WDPCP: variants seen among roughly 807,000 people sequenced by gnomAD.
The protein encoded by WDPCP is WD repeat-containing and planar cell polarity effector protein fritz homolog.
WDPCP carries 71 observed loss-of-function variants against 93.1 expected under a neutral mutation model. The observed-to-expected ratio is 0.76, with a 90% CI of 0.63 to 0.93. WDPCP has a LOEUF of 0.93. WDPCP is among the 40% of genes least tolerant of loss of function. The pLI, the probability that WDPCP is intolerant of heterozygous loss-of-function variation, is 0.00. For missense variants in WDPCP, 844 were observed against 887.4 expected (o/e 0.95, Z 0.62); for synonymous variants, 315 against 315.0 (o/e 1.00, Z 0.00).
chr2:63,758,672 T>C (rs1670005546), intron 2 of WDPCP, among the ~76,000 whole-genome samples: 1 of 152,172 alleles, frequency 6.6e-6, no homozygotes, highest in Non-Finnish European at 1.5e-5. Context: ...ACTCCTGGGC[T>C]CAAGTGATCT....
chr2:63,484,676 A>G lies in WDPCP; in HGVS notation c.325-13T>C, dbSNP rs747166068. Reference sequence around the variant, plus strand: ...TTTGCATCAGCTCCTGAAGCACAACAGAAAAAGAGAGAGCGTAGTTGGCTG... The same window carrying G: ...TTTGCATCAGCTCCTGAAGCACAACGGAAAAAGAGAGAGCGTAGTTGGCTG... On this transcript the variant is annotated splice_polypyrimidine_tract_variant and intron_variant, in intron 5 of 17. Transcript: ENST00000272321. 3.7e-6 allele frequency: 6 copies of G among 1,612,796 alleles called. No individual in the cohort carries two copies. In the South Asian group the frequency reaches 6.6e-5, roughly 18 times the overall value.
chr2:63,273,677 T>C (rs1421866728), intron 13 of WDPCP, among the ~76,000 whole-genome samples: 2 of 152,270 alleles, frequency 1.3e-5, no homozygotes, highest in East Asian at 1.9e-4. Flanking sequence ...GGAGTAACTA[T>C]ATTTATATCA....
chr2:63,789,494 T>C (rs1043426305), intron 2 of WDPCP, among the ~76,000 whole-genome samples: 2 of 152,308 alleles, frequency 1.3e-5, no homozygotes, highest in Non-Finnish European at 1.5e-5. Context: ...AGTCAGCCTA[T>C]GCTGAGAGTT....
Position 63,439,850 on chromosome 2 carries a change from G to C in WDPCP, c.406C>G (p.Leu136Val). The C allele has an allele frequency of 1.2e-6, 2 of 1,613,166 alleles. No homozygotes were observed. The highest frequency in any genetic ancestry group is 1.7e-6 in the Non-Finnish European group (2 of 1,179,354). The change falls in exon 7 of 18, where the codon CTG (leucine) becomes GTG (valine). Residue 136 changes from leucine (L) to valine (V), a missense_variant. Leu to Val is a conservative substitution (Grantham distance 32). Transcript: ENST00000272321. Reference protein sequence around the residue: ...VCQLLFGSGVLVSLSLSGPQL... With the variant: ...VCQLLFGSGVVVSLSLSGPQL... ...GGCCCAGAAAGGCTTAGAGACACCA[G>C]CACACCTGAACCAAAAAGGAGCTAA...
In WDPCP at chr2:63,618,245, C is replaced by T. The variant is rs149962993; in HGVS notation, n.488+32414G>A. 1.3e-3 allele frequency among the ~76,000 whole-genome samples: 192 copies of T among 152,258 alleles called. 1 individual carries two copies. The highest frequency in any genetic ancestry group is 2.1e-3 in the Non-Finnish European group (140 of 68,016). On this transcript the variant is annotated intron_variant and non_coding_transcript_variant, in intron 3 of 4. Coordinates refer to the WDPCP transcript ENST00000467687. The stretch of plus-strand genomic sequence containing the variant: ...CAAGTGCTTAGAATGAAAACTCAGC[C>T]AGCACAGAGTGGAATGAAGAACTGG...
chr2:63,717,706 CCAACG>C, intron 2 of WDPCP: 1 of 463,290 alleles, frequency 2.2e-6, no homozygotes, highest in Non-Finnish European at 4.3e-6. Context: ...AATCCTTGGC[CCAACG>C]TTGATGCCCA....
At chr2:63,746,645 T>C (rs1046437583) in intron 2 of WDPCP, among the ~76,000 whole-genome samples, 2 of 152,144 alleles carry the variant, frequency 1.3e-5, no homozygotes, top group Admixed American at 1.3e-4. Flanking sequence ...CTTATGCAGA[T>C]GTAGATAGGG....
At chr2:63,318,787 G>C (rs964546167) in intron 12 of WDPCP, among the ~76,000 whole-genome samples, 4 of 152,022 alleles carry the variant, frequency 2.6e-5, no homozygotes, top group Non-Finnish European at 5.9e-5. Flanking sequence ...GGAGGAGGGT[G>C]AATTGAAAAA....
intron 1 of WDPCP, among the ~76,000 whole-genome samples, chr2:63,520,282 G>A (rs938826197): frequency 2.6e-5 from 4 of 152,112 alleles, no homozygotes; most frequent in African/African-American, 9.7e-5. Context: ...TGAAAGGGAG[G>A]AAGGGAAACC....
chr2:63,504,367 T>TGTGTGA (rs1021597028), intron 1 of WDPCP, among the ~76,000 whole-genome samples: 2 of 144,362 alleles, frequency 1.4e-5, no homozygotes, highest in African/African-American at 5.1e-5. Flanking sequence ...TGTGTGTGTG[T>TGTGTGA]GATGTATTTT....
At chr2:63,840,486 T>C in the WDPCP span, among the ~76,000 whole-genome samples, 1 of 152,148 alleles carries the variant, frequency 6.6e-6, no homozygotes, top group African/African-American at 2.4e-5. Flanking sequence ...CCTTCACTTG[T>C]CACTTTCTTC....
intron 2 of WDPCP, among the ~76,000 whole-genome samples, chr2:63,708,833 A>T (rs2103742446): frequency 6.6e-6 from 1 of 151,814 alleles, no homozygotes; most frequent in South Asian, 2.1e-4. Context: ...AATGGTCTGG[A>T]TCTCCTGACC....
chr2:63,359,583 G>A (rs1487188250), intron 12 of WDPCP, among the ~76,000 whole-genome samples: 2 of 152,170 alleles, frequency 1.3e-5, no homozygotes, highest in African/African-American at 2.4e-5. Context: ...CTGGAAAACA[G>A]TATGGCAGTT....
chr2:63,753,502 A>T (rs1186424632), intron 2 of WDPCP, among the ~76,000 whole-genome samples: 3 of 152,218 alleles, frequency 2.0e-5, no homozygotes, highest in African/African-American at 7.2e-5. Context: ...CAACTGGCTC[A>T]TGGTTACACA....
In WDPCP at chr2:63,338,314, C is replaced by T. The variant is rs28874415; in HGVS notation, c.1749-25003G>A. ...ATCCCAGCACTTTGGGAGGCCAAGG[C>T]GGGTGGATCACCTGAGGTCATGAGG... is the stretch of plus-strand genomic sequence containing the variant. On this transcript the variant is annotated intron_variant, in intron 12 of 17. Transcript: ENST00000272321. Among the ~76,000 whole-genome samples, 120 of 151,816 alleles carry T rather than the reference C, an allele frequency of 7.9e-4. No individual in the cohort carries two copies. In the Middle Eastern group the frequency reaches 0.01, roughly 13 times the overall value.
chr2:63,622,528 G>A (rs911736558), intron 3 of WDPCP: 2 of 1,613,808 alleles, frequency 1.2e-6, no homozygotes, highest in African/African-American at 1.3e-5. Context: ...AGCCGGGCGT[G>A]GTTGATGTTC....
intron 10 of WDPCP, among the ~76,000 whole-genome samples, chr2:63,396,867 C>A (rs1052634813): frequency 6.6e-6 from 1 of 152,122 alleles, no homozygotes; most frequent in African/African-American, 2.4e-5. Context: ...TGTTTGTGTT[C>A]ATGAGTTGTC....
At chr2:63,826,930 G>C (rs570030195) in intron 1 of WDPCP, among the ~76,000 whole-genome samples, 1 of 152,116 alleles carries the variant, frequency 6.6e-6, no homozygotes, top group South Asian at 2.1e-4. Flanking sequence ...ATAGACCATT[G>C]TCTTTGTCAC....
At chr2:63,355,340 T>G (rs1482569577) in intron 12 of WDPCP, among the ~76,000 whole-genome samples, 1 of 152,150 alleles carries the variant, frequency 6.6e-6, no homozygotes, top group Non-Finnish European at 1.5e-5. Context: ...AATTCTTGTT[T>G]GCGCCAAGCT....
Sources: gnomAD v4.1 joint callset for allele counts (sites outside exome capture counted in the v4.1 genomes callset) on GRCh38, gnomAD v4.1.1 for gene constraint, MANE v1.5 for transcripts, NCBI Gene and HGNC (gene_info 2026-07-23, HGNC 2026-07-21) for gene names.